MTM1: variants seen among roughly 807,000 people sequenced by gnomAD.
The protein encoded by MTM1 is myotubularin.
In MTM1, 9 loss-of-function variants were observed where a neutral mutation model predicts 52.1. The ratio of observed to expected loss-of-function variants is 0.17; its 90% CI spans 0.10 to 0.30. MTM1 has a LOEUF of 0.30. Among genes scored for constraint, MTM1 ranks in the 10% least tolerant of loss-of-function variants. MTM1 has a pLI of 1.00. For synonymous variants in MTM1, 136 were observed against 163.8 expected (o/e 0.83, Z 1.29); for missense variants, 277 against 470.7 (o/e 0.59, Z 3.81).
chrX:150,644,323 G>T (rs1466486815), intron 8 of MTM1, among the ~76,000 whole-genome samples: 2 of 110,851 alleles, frequency 1.8e-5, no homozygotes, highest in Non-Finnish European at 3.8e-5. Flanking sequence ...GAAGGTGGAG[G>T]TTTAGGTCCC....
chrX:150,612,017 G>A (rs995537081), intron 4 of MTM1, among the ~76,000 whole-genome samples: 2 of 111,071 alleles, frequency 1.8e-5, no homozygotes, highest in African/African-American at 3.3e-5. Flanking sequence ...GCCACATGGT[G>A]AAACCCCATC....
intron 4 of MTM1, among the ~76,000 whole-genome samples, chrX:150,606,002 C>T (rs146358525): frequency 9.7e-4 from 103 of 106,599 alleles, no homozygotes; most frequent in Non-Finnish European, 1.4e-3. Flanking sequence ...GTATTTTTTC[C>T]TTGAAGAAAA....
intron 14 of MTM1, among the ~76,000 whole-genome samples, chrX:150,670,412 C>T (rs2040376638): frequency 8.9e-6 from 1 of 111,996 alleles, no homozygotes; most frequent in Admixed American, 9.5e-5. Context: ...GAAATGGAGG[C>T]ACACAGAAGG....
chrX:150,663,755 T>A, intron 14 of MTM1, 146 bp downstream of exon 14: 2 of 530,586 alleles, frequency 3.8e-6, no homozygotes, highest in South Asian at 6.1e-5. Flanking sequence ...TTAATTTAAA[T>A]TTTTTTTAAT....
chrX:150,616,553 A>G, intron 5 of MTM1, among the ~76,000 whole-genome samples: 1 of 111,819 alleles, frequency 8.9e-6, no homozygotes. Context: ...TGCCAGTAGC[A>G]ACTTTCCCAT....
At chrX:150,563,595 G>T (rs2038227525), upstream of MTM1, among the ~76,000 whole-genome samples, 1 of 105,616 alleles carries the variant, frequency 9.5e-6, no homozygotes, top group Non-Finnish European at 1.9e-5. Context: ...TTAAATCTCA[G>T]CTTTATTGGG....
At chrX:150,582,872 C>T (rs181721721) in intron 1 of MTM1, among the ~76,000 whole-genome samples, 1,061 of 106,020 alleles carry the variant, frequency 0.01, 4 homozygotes, top group Non-Finnish European at 0.014. Context: ...GACTTCTTTA[C>T]AGCAGCCCCA....
chrX:150,662,652 G>T (rs2040241671), intron 13 of MTM1, among the ~76,000 whole-genome samples: 1 of 112,073 alleles, frequency 8.9e-6, no homozygotes, highest in African/African-American at 3.2e-5. Context: ...CTTATTTTGG[G>T]ATGTTCTTTT....
At position 150,589,298 on chromosome X, in the gene MTM1, T is replaced by A. The variant is rs188968819; in HGVS notation, c.-10-3307T>A. On this transcript the variant is annotated intron_variant, in intron 1 of 14. Transcript: ENST00000370396. The stretch of plus-strand genomic sequence containing the variant: ...TCACACACCCTCTAGGCCCCCCGCA[T>A]CTCCTCTGTAATAGGAGAGGGTTGG... Among the ~76,000 whole-genome samples, 450 of 110,998 alleles carry A rather than the reference T, an allele frequency of 4.1e-3. 2 individuals are homozygous for A. Among genetic ancestry groups the A allele is most frequent in the African/African-American group, 0.013 (411 of 30,504 alleles).
chrX:150,637,938 C>T (rs188433470), intron 6 of MTM1, among the ~76,000 whole-genome samples: 5 of 112,411 alleles, frequency 4.4e-5, no homozygotes, highest in East Asian at 5.6e-4. Flanking sequence ...TGGAAAGCTA[C>T]GGGAGGATTT....
chrX:150,596,420 T>A, intron 2 of MTM1, 78 bp from the exon 3 acceptor site: 1 of 756,333 alleles, frequency 1.3e-6, no homozygotes, highest in Non-Finnish European at 2.0e-6. Flanking sequence ...ATATTTCTAG[T>A]GGCTTGTATT....
At chrX:150,663,186 A>G (rs782422801) in intron 13 of MTM1, among the ~76,000 whole-genome samples, 11 of 112,604 alleles carry the variant, frequency 9.8e-5, no homozygotes, top group African/African-American at 3.5e-4. Context: ...TTAATGGTAC[A>G]GTATCCTGCG....
upstream of MTM1, among the ~76,000 whole-genome samples, chrX:150,567,606 T>G (rs1557411278): frequency 8.9e-6 from 1 of 111,738 alleles, no homozygotes; most frequent in Non-Finnish European, 1.9e-5. Context: ...CAGGCTGGAG[T>G]GCAGTGGTGC....
At chrX:150,569,422 C>G (rs1231810406) in intron 1 of MTM1, among the ~76,000 whole-genome samples, 1 of 112,847 alleles carries the variant, frequency 8.9e-6, no homozygotes, top group African/African-American at 3.2e-5. Context: ...GCTTTATAGA[C>G]GCACGCATCG....
intron 4 of MTM1, among the ~76,000 whole-genome samples, chrX:150,600,842 C>T (rs1298449744): frequency 8.9e-6 from 1 of 111,812 alleles, no homozygotes; most frequent in Non-Finnish European, 1.9e-5. Flanking sequence ...CTTTTTGACT[C>T]ACCCTGTGTA....
chrX:150,564,651 G>A (rs1161111061), upstream of MTM1, among the ~76,000 whole-genome samples: 1 of 111,991 alleles, frequency 8.9e-6, no homozygotes, highest in Non-Finnish European at 1.9e-5. Context: ...AAAGTGCTGG[G>A]ATTACAGGCG....
At chrX:150,624,394 G>A (rs782678121) in intron 6 of MTM1, among the ~76,000 whole-genome samples, 1 of 111,663 alleles carries the variant, frequency 9.0e-6, no homozygotes, top group African/African-American at 3.3e-5. Context: ...TGATAGTATG[G>A]CGATTTTTTT....
intron 5 of MTM1, among the ~76,000 whole-genome samples, chrX:150,616,129 C>T (rs2039381059): frequency 1.8e-5 from 2 of 110,970 alleles, no homozygotes; most frequent in Middle Eastern, 9.3e-3. Flanking sequence ...AATATCAATC[C>T]CCCCAAAATT....
chrX:150,579,017 C>CTCTATCTATCTATCTATCTA (rs59889586), intron 1 of MTM1, among the ~76,000 whole-genome samples: 30 of 98,189 alleles, frequency 3.1e-4, no homozygotes, highest in African/African-American at 3.7e-4. Context: ...ATCTATATAT[C>CTCTATCTATCTATCTATCTA]TCTATCTATC....
Sources: gnomAD v4.1 joint callset for allele counts (sites outside exome capture counted in the v4.1 genomes callset) on GRCh38, gnomAD v4.1.1 for gene constraint, MANE v1.5 for transcripts, NCBI Gene and HGNC (gene_info 2026-07-23, HGNC 2026-07-21) for gene names.